Variants in CADPS observed in about 807,000 individuals in gnomAD.
CADPS encodes calcium dependent secretion activator.
Under a neutral mutation model 167.3 loss-of-function variants are expected in CADPS, and 57 were observed. The ratio of observed to expected loss-of-function variants is 0.34; its 90% CI spans 0.28 to 0.42. CADPS has a LOEUF of 0.42. CADPS is among the 20% of genes least tolerant of loss of function. The pLI is 1.00. For synonymous variants in CADPS, 676 were observed against 635.3 expected (o/e 1.06, Z -0.96); for missense variants, 1,414 against 1,738.1 (o/e 0.81, Z 3.32).
chr3:62,428,337 G>C lies in CADPS; in HGVS notation c.3777+9767C>G, dbSNP rs2053203245. ...TTTTTTTTTTTTTTTTTTAAATTGAGGTCCGGGTGGAACTATAAAAAGGAA... is the reference window on the plus strand; with the variant it reads ...TTTTTTTTTTTTTTTTTTAAATTGACGTCCGGGTGGAACTATAAAAAGGAA... On this transcript the variant is annotated intron_variant, in intron 28 of 29. Coordinates refer to ENST00000383710, the MANE Select transcript of CADPS (RefSeq NM_003716.4). 3.3e-5 allele frequency among the ~76,000 whole-genome samples: 4 copies of C among 119,604 alleles called. No individual in the cohort carries two copies. The South Asian group carries it at 1.2e-3, about 35-fold the overall frequency. The allele number at this position is 119,604 out of a possible 152,430, so 78.5% of individuals were successfully genotyped here.
At chr3:62,870,601 GA>G (rs1043055341) in intron 1 of CADPS, among the ~76,000 whole-genome samples, 1 of 152,128 alleles carries the variant, frequency 6.6e-6, no homozygotes, top group African/African-American at 2.4e-5. Context: ...CCTCTTGAAT[GA>G]AATAGGAATT....
chr3:62,597,390 G>T (rs1440965770), intron 6 of CADPS, among the ~76,000 whole-genome samples: 1 of 152,076 alleles, frequency 6.6e-6, no homozygotes, highest in Non-Finnish European at 1.5e-5. Flanking sequence ...ACCTCTTTGG[G>T]CATTCATTAT....
chr3:62,546,241 G>T (rs2076430403), intron 11 of CADPS, among the ~76,000 whole-genome samples: 1 of 151,944 alleles, frequency 6.6e-6, no homozygotes, highest in African/African-American at 2.4e-5. Context: ...AAATGTAAGT[G>T]AAGAATGAAA....
intron 6 of CADPS, among the ~76,000 whole-genome samples, chr3:62,641,867 C>T (rs1411876839): frequency 1.3e-5 from 2 of 152,220 alleles, no homozygotes; most frequent in South Asian, 4.1e-4. Context: ...GCCTTCACCA[C>T]ACACACCATT....
At chr3:62,592,882 C>A in intron 6 of CADPS, 134 bp from the exon 7 acceptor site, 1 of 552,680 alleles carries the variant, frequency 1.8e-6, no homozygotes, top group Non-Finnish European at 3.2e-6. Context: ...TTCTCCTCCC[C>A]TTCAAAGCTG....
chr3:62,649,222 A>G (rs1221728502), intron 5 of CADPS, among the ~76,000 whole-genome samples: 2 of 152,110 alleles, frequency 1.3e-5, no homozygotes, highest in Non-Finnish European at 2.9e-5. Flanking sequence ...TTTGGAGTGG[A>G]TAAGAAGCAT....
chr3:62,674,059 T>G (rs2075974017), intron 3 of CADPS, among the ~76,000 whole-genome samples: 1 of 152,168 alleles, frequency 6.6e-6, no homozygotes, highest in Non-Finnish European at 1.5e-5. Context: ...GGTATAAAAT[T>G]ATTCACAAGG....
chr3:62,452,368 C>G (rs1040346069), intron 26 of CADPS, among the ~76,000 whole-genome samples: 2 of 150,204 alleles, frequency 1.3e-5, no homozygotes, highest in African/African-American at 4.9e-5. Context: ...TAACATTCAA[C>G]TTTTTAGTTG....
At chr3:62,439,850 G>A (rs1420982776) in intron 27 of CADPS, 1 of 152,106 alleles carries the variant, frequency 6.6e-6, no homozygotes, top group Non-Finnish European at 1.5e-5. Flanking sequence ...ACAATGATGC[G>A]TATTTGCACC....
At chr3:62,728,584 G>T (rs759576072) in intron 3 of CADPS, among the ~76,000 whole-genome samples, 3 of 151,850 alleles carry the variant, frequency 2.0e-5, no homozygotes, top group Non-Finnish European at 4.4e-5. Context: ...GAGCTTGAGG[G>T]AGATTTTGGA....
Position 62,874,919 on chromosome 3 carries a change from A to C in CADPS, c.111T>G (p.Arg37=). 2.8e-6 allele frequency: 4 copies of C among 1,452,966 alleles called. No homozygotes were observed. The highest frequency in any genetic ancestry group is 2.7e-6 in the Non-Finnish European group (3 of 1,098,332). 90.0% of individuals were successfully genotyped at this position (1,452,966 alleles called of 1,614,324 possible). ...CGCTGCCGGCCGAGCCCTCGCTGGT[A>C]CGGCTGGGAGACAGGCGCGCGCCGG... is the stretch of plus-strand genomic sequence containing the variant. ...APSGARLSPS[R]TSEGSAGSAG... is the part of the protein sequence containing the mutation. The change falls in exon 1 of 30, where the codon CGT becomes CGG. Residue 37 remains arginine, a synonymous_variant. Coordinates refer to ENST00000383710, the MANE Select transcript of CADPS (RefSeq NM_003716.4). This position sits in a 1 kb window ranked among gnomAD's most constrained non-coding sequence, Gnocchi z 7.1.
chr3:62,518,311 T>A (rs2069501447), intron 13 of CADPS, 61 bp from the exon 14 acceptor site: 2 of 1,242,034 alleles, frequency 1.6e-6, no homozygotes, highest in Non-Finnish European at 2.3e-6. Context: ...TCAAATCAAA[T>A]CTCTAGCAGG....
At chr3:62,626,672 T>C in intron 6 of CADPS, 1 of 663,264 alleles carries the variant, frequency 1.5e-6, no homozygotes, top group Non-Finnish European at 2.7e-6. Context: ...TGGAGTTCCT[T>C]CTGCAGGGAA....
intron 1 of CADPS, among the ~76,000 whole-genome samples, chr3:62,811,721 G>T (rs761829893): frequency 6.6e-6 from 1 of 152,162 alleles, no homozygotes; most frequent in Non-Finnish European, 1.5e-5. Context: ...CAGGGCAAGG[G>T]CTGGTGCGTA....
chr3:62,635,787 A>C (rs912643965), intron 6 of CADPS, among the ~76,000 whole-genome samples: 1 of 152,128 alleles, frequency 6.6e-6, no homozygotes, highest in African/African-American at 2.4e-5. Flanking sequence ...TTTCAAGCCC[A>C]TCACATTGGG....
intron 4 of CADPS, among the ~76,000 whole-genome samples, chr3:62,660,035 T>G (rs1037046696): frequency 2.6e-5 from 4 of 152,180 alleles, no homozygotes; most frequent in African/African-American, 4.8e-5. Flanking sequence ...AATATCTCAT[T>G]TAGCTTCAGA....
At chr3:62,565,911 G>A (rs1480026872) in intron 9 of CADPS, among the ~76,000 whole-genome samples, 3 of 152,206 alleles carry the variant, frequency 2.0e-5, no homozygotes, top group Non-Finnish European at 4.4e-5. Flanking sequence ...CAAAAAAGTA[G>A]ACTCTGTGTG....
intron 3 of CADPS, among the ~76,000 whole-genome samples, chr3:62,707,022 G>A (rs191345594): frequency 6.6e-6 from 1 of 152,184 alleles, no homozygotes; most frequent in Admixed American, 6.5e-5. Flanking sequence ...TCCAAGTAAA[G>A]TTATATTCTA....
At chr3:62,813,735 T>TA (rs1163245335) in intron 1 of CADPS, among the ~76,000 whole-genome samples, 1 of 152,082 alleles carries the variant, frequency 6.6e-6, no homozygotes, top group Non-Finnish European at 1.5e-5. Flanking sequence ...CCAGAATCTA[T>TA]AAGGAACTTA....
Sources: gnomAD v4.1 joint callset for allele counts (sites outside exome capture counted in the v4.1 genomes callset) on GRCh38, gnomAD v4.1.1 for gene constraint, Gnocchi (gnomAD v3.1) non-coding constraint, MANE v1.5 for transcripts, NCBI Gene and HGNC (gene_info 2026-07-23, HGNC 2026-07-21) for gene names.